TDRP: variants seen among roughly 807,000 people sequenced by gnomAD.
TDRP encodes testis development related protein, also known as testis development-related protein.
TDRP carries 12 observed loss-of-function variants against 10.5 expected under a neutral mutation model. The observed-to-expected ratio is 1.15, with a 90% confidence interval of 0.73 to 1.86. The LOEUF (loss-of-function observed/expected upper bound fraction) is 1.86, where lower values mean the gene tolerates loss of function less well. Ranked by LOEUF, TDRP falls within the 40% of genes most tolerant of loss-of-function variation. The pLI, the probability that TDRP is intolerant of heterozygous loss-of-function variation, is 0.00. For synonymous variants in TDRP, 139 were observed against 95.4 expected (o/e 1.46, Z -2.67); for missense variants, 353 against 229.2 (o/e 1.54, Z -3.49).
At chr8:523,636 G>C (rs1458460853) in intron 1 of TDRP, among the ~76,000 whole-genome samples, 4 of 152,168 alleles carry the variant, frequency 2.6e-5, no homozygotes, top group Non-Finnish European at 2.9e-5. Context: ...TGGGCCTTGA[G>C]TTAACATCGG....
intron 1 of TDRP, among the ~76,000 whole-genome samples, chr8:511,988 TC>T (rs768337981): frequency 1.2e-4 from 18 of 152,186 alleles, no homozygotes; most frequent in African/African-American, 3.9e-4. Flanking sequence ...AACTTAAACT[TC>T]TATCTTAAGG....
intron 1 of TDRP, among the ~76,000 whole-genome samples, chr8:508,834 G>T (rs1176852085): frequency 6.6e-6 from 1 of 152,130 alleles, no homozygotes; most frequent in African/African-American, 2.4e-5. Context: ...CTGAGACAAG[G>T]CAAGTCCCTT....
At chr8:494,148 A>G (rs531369540) in intron 2 of TDRP, among the ~76,000 whole-genome samples, 85 of 150,594 alleles carry the variant, frequency 5.6e-4, no homozygotes, top group African/African-American at 2.0e-3. Context: ...TTTTTAGTAT[A>G]GACGGGGTTT....
At chr8:499,175 G>C (rs1011003824) in intron 1 of TDRP, among the ~76,000 whole-genome samples, 10 of 152,074 alleles carry the variant, frequency 6.6e-5, no homozygotes, top group African/African-American at 2.4e-4. Context: ...GAAATTATTA[G>C]GAATAAGATG....
At chr8:526,847 C>T (rs924352917) in intron 1 of TDRP, among the ~76,000 whole-genome samples, 6 of 152,094 alleles carry the variant, frequency 3.9e-5, no homozygotes, top group African/African-American at 1.4e-4. Flanking sequence ...TACTGGAAGT[C>T]CTAGCTAGAG....
intron 1 of TDRP, among the ~76,000 whole-genome samples, chr8:533,957 T>A (rs950081284): frequency 2.6e-5 from 4 of 152,234 alleles, no homozygotes; most frequent in African/African-American, 9.6e-5. Flanking sequence ...TACACTGTCA[T>A]GTTTACTGTA....
chr8:532,576 G>A (rs557780140), intron 1 of TDRP, among the ~76,000 whole-genome samples: 7 of 152,276 alleles, frequency 4.6e-5, no homozygotes, highest in South Asian at 4.1e-4. Context: ...ATGCAAAAGC[G>A]CTTAAAACTA....
At chr8:531,884 T>C (rs189197928) in intron 1 of TDRP, among the ~76,000 whole-genome samples, 34 of 152,320 alleles carry the variant, frequency 2.2e-4, no homozygotes, top group Non-Finnish European at 3.2e-4. Flanking sequence ...TAGTATTTTA[T>C]GGTTTAAGAA....
At chr8:511,265 G>C (rs1466329382) in intron 1 of TDRP, among the ~76,000 whole-genome samples, 1 of 152,072 alleles carries the variant, frequency 6.6e-6, no homozygotes, top group Non-Finnish European at 1.5e-5. Flanking sequence ...GATAAAAACT[G>C]ACTGAAAGTG....
chr8:536,284 T>A (rs1802346610), intron 1 of TDRP, among the ~76,000 whole-genome samples: 1 of 152,224 alleles, frequency 6.6e-6, no homozygotes, highest in African/African-American at 2.4e-5. Flanking sequence ...TCCACCACCG[T>A]CTTTAGTGAG....
At chr8:499,795 C>T (rs1049196779) in intron 1 of TDRP, among the ~76,000 whole-genome samples, 1 of 152,240 alleles carries the variant, frequency 6.6e-6, no homozygotes, top group Non-Finnish European at 1.5e-5. Flanking sequence ...GCACTCTGCT[C>T]CTGTAGCCAG....
Position 501,001 on chromosome 8 carries a change from T to C in TDRP, c.109-6404A>G, listed in dbSNP as rs534700965. Among the ~76,000 whole-genome samples the C allele has an allele frequency of 5.3e-5, 8 of 152,162 alleles. No homozygotes were observed. The South Asian group carries it at 1.2e-3, about 24-fold the overall frequency. The stretch of plus-strand genomic sequence containing the variant: ...GTGGGTGGATCACAAGGTCAGGAGA[T>C]CGAGACCATCCTGGCTAACACGGTG... On this transcript the variant is annotated intron_variant, in intron 1 of 2. Coordinates refer to ENST00000324079, the MANE Select transcript of TDRP (RefSeq NM_001384899.1).
intron 1 of TDRP, among the ~76,000 whole-genome samples, chr8:541,742 T>A (rs1016066553): frequency 6.6e-6 from 1 of 152,180 alleles, no homozygotes; most frequent in Admixed American, 6.5e-5. Flanking sequence ...AAAGTCTACA[T>A]ACTGACAGCA....
rs367862413 is a variant in TDRP at position 529,286 on chromosome 8, C to G, written c.108+15364G>C. Among the ~76,000 whole-genome samples, 29 of 152,230 alleles carry G rather than the reference C, an allele frequency of 1.9e-4. No homozygotes were observed. In the Middle Eastern group the frequency reaches 0.014, roughly 71 times the overall value. ...CCTAAATATACACACCTACTATGAT[C>G]CCACGAAAATTAAAAATTAAAAAAC... On this transcript the variant is annotated intron_variant, in intron 1 of 2. Transcript: ENST00000324079.
At chr8:530,597 A>G (rs141688253) in intron 1 of TDRP, among the ~76,000 whole-genome samples, 47 of 152,226 alleles carry the variant, frequency 3.1e-4, no homozygotes, top group African/African-American at 1.1e-3. Context: ...GAATGTCCCA[A>G]TTAGAGAGGT....
rs78843912 is a variant in TDRP, at chr8:543,225, T to G, written c.108+1425A>C. Among the ~76,000 whole-genome samples the G allele has an allele frequency of 2.1e-3, 316 of 152,006 alleles. 8 individuals are homozygous for G. The East Asian group carries it at 0.052, about 25-fold the overall frequency. On this transcript the variant is annotated intron_variant, in intron 1 of 2. Transcript: ENST00000324079. ...TACTACAGAGGCTGAGAGAGGAGAA[T>G]AGCTTGAGCCCAGGCAGGTTGAGGC...
chr8:539,973 G>A (rs1368916062), intron 1 of TDRP, among the ~76,000 whole-genome samples: 1 of 152,170 alleles, frequency 6.6e-6, no homozygotes, highest in Non-Finnish European at 1.5e-5. Context: ...ATTTGTAAGT[G>A]AAAATATGTC....
intron 1 of TDRP, among the ~76,000 whole-genome samples, chr8:496,035 T>C (rs972123217): frequency 1.3e-5 from 2 of 152,212 alleles, no homozygotes; most frequent in African/African-American, 2.4e-5. Context: ...GATAGGAGTA[T>C]GATGGCAGTA....
At chr8:506,427 G>C (rs1458338184) in intron 1 of TDRP, among the ~76,000 whole-genome samples, 2 of 152,144 alleles carry the variant, frequency 1.3e-5, no homozygotes, top group Admixed American at 1.3e-4. Flanking sequence ...CTGGACTTCA[G>C]CTTCTCACAT....
Sources: allele counts gnomAD v4.1 joint callset (sites outside exome capture counted in the v4.1 genomes callset), GRCh38; gene constraint gnomAD v4.1.1; transcripts MANE v1.5; gene names NCBI Gene and HGNC (gene_info 2026-07-23, HGNC 2026-07-21).